PHF24: variants seen among roughly 807,000 people sequenced by gnomAD.
The protein encoded by PHF24 is PHD finger protein 24, also known as Galpha inhibitory interacting protein.
Under a neutral mutation model 42.6 loss-of-function variants are expected in PHF24, and 25 were observed. The ratio of observed to expected loss-of-function variants is 0.59; its 90% confidence interval spans 0.43 to 0.82. The LOEUF (loss-of-function observed/expected upper bound fraction) is 0.82. PHF24 is among the 40% of genes least tolerant of loss of function. PHF24 has a pLI of 0.00. For missense variants in PHF24, 470 were observed against 538.1 expected (o/e 0.87, Z 1.25); for synonymous variants, 185 against 204.8 (o/e 0.90, Z 0.83).
chr9:34,816,325 C>A, the PHF24 span, among the ~76,000 whole-genome samples: 2 of 152,124 alleles, frequency 1.3e-5, no homozygotes, highest in African/African-American at 2.4e-5. Context: ...CAAATAATTC[C>A]TTTTTTGAGG....
At chr9:34,960,201 T>C (rs191644496) in intron 1 of PHF24, among the ~76,000 whole-genome samples, 2 of 152,292 alleles carry the variant, frequency 1.3e-5, no homozygotes, top group Non-Finnish European at 2.9e-5. Flanking sequence ...AGCAATGATA[T>C]TCATTAGAGC....
the PHF24 span, among the ~76,000 whole-genome samples, chr9:34,734,115 A>C: frequency 2.0e-5 from 3 of 152,228 alleles, no homozygotes; most frequent in Non-Finnish European, 4.4e-5. Context: ...CTTTTCTTGA[A>C]TTTGTCAGCA....
At chr9:34,952,224 T>C in the PHF24 span, among the ~76,000 whole-genome samples, 1 of 152,184 alleles carries the variant, frequency 6.6e-6, no homozygotes, top group East Asian at 1.9e-4. Context: ...TTTAGCAAGG[T>C]CACAGGATAC....
chr9:34,797,032 T>C, the PHF24 span, among the ~76,000 whole-genome samples: 1 of 152,072 alleles, frequency 6.6e-6, no homozygotes, highest in Non-Finnish European at 1.5e-5. Context: ...CTTCAGTAAA[T>C]CTCAAAGGCC....
the PHF24 span, among the ~76,000 whole-genome samples, chr9:34,776,562 A>T: frequency 6.6e-6 from 1 of 152,096 alleles, no homozygotes; most frequent in African/African-American, 2.4e-5. Context: ...ATATTTATCT[A>T]TCTCTTTAGC....
the PHF24 span, among the ~76,000 whole-genome samples, chr9:34,818,557 AT>A: frequency 6.6e-6 from 1 of 152,040 alleles, no homozygotes; most frequent in African/African-American, 2.4e-5. Flanking sequence ...GTATTTTTTT[AT>A]ATATTGTTCA....
the PHF24 span, among the ~76,000 whole-genome samples, chr9:34,841,173 G>A: frequency 3.9e-5 from 6 of 152,032 alleles, no homozygotes; most frequent in South Asian, 1.0e-3. Flanking sequence ...CTAATTTTTT[G>A]TATTTTTAGT....
intron 2 of PHF24, among the ~76,000 whole-genome samples, 190 bp downstream of exon 2, chr9:34,971,866 C>A (rs774621652): frequency 7.9e-5 from 12 of 152,122 alleles, no homozygotes; most frequent in Admixed American, 1.3e-4. Flanking sequence ...AGGCTTGGGG[C>A]AATGGATGAT....
chr9:34,758,421 C>T, the PHF24 span, among the ~76,000 whole-genome samples: 1 of 152,028 alleles, frequency 6.6e-6, no homozygotes, highest in Non-Finnish European at 1.5e-5. The surrounding 1 kb of genome is among the most constrained non-coding windows in gnomAD (Gnocchi z 4.4). Flanking sequence ...AGTGGGTTTG[C>T]CCTAGGTGAA....
the PHF24 span, chr9:34,727,956 G>C: frequency 6.8e-7 from 1 of 1,469,172 alleles, no homozygotes; most frequent in Admixed American, 2.0e-5. Flanking sequence ...TCCTGCCCCA[G>C]GCCAAGCCAA....
chr9:34,710,642 A>AT, the PHF24 span, among the ~76,000 whole-genome samples: 65 of 147,074 alleles, frequency 4.4e-4, 1 homozygote, highest in African/African-American at 5.0e-4. Context: ...TGATTTTTCT[A>AT]TTTTTTTTTT....
At chr9:34,753,970 A>C in the PHF24 span, among the ~76,000 whole-genome samples, 1 of 152,132 alleles carries the variant, frequency 6.6e-6, no homozygotes, top group Non-Finnish European at 1.5e-5. Context: ...ATCTCTCACC[A>C]TATACAAAAG....
chr9:34,760,945 T>A, the PHF24 span, among the ~76,000 whole-genome samples: 4 of 151,668 alleles, frequency 2.6e-5, no homozygotes, highest in Non-Finnish European at 5.9e-5. Context: ...TGAGCCGTGA[T>A]CGCGCCACTG....
chr9:34,971,045 G>T (rs1826956367), intron 1 of PHF24, among the ~76,000 whole-genome samples: 1 of 151,976 alleles, frequency 6.6e-6, no homozygotes, highest in Non-Finnish European at 1.5e-5. Context: ...AAGCCCAGGA[G>T]TTCAAGAAGA....
chr9:34,732,147 C>G, the PHF24 span, among the ~76,000 whole-genome samples: 1 of 151,676 alleles, frequency 6.6e-6, no homozygotes, highest in Admixed American at 6.6e-5. Context: ...CAGGCGTGAG[C>G]CTATTTTTAG....
chr9:34,753,062 C>T, the PHF24 span, among the ~76,000 whole-genome samples: 1 of 151,976 alleles, frequency 6.6e-6, no homozygotes, highest in South Asian at 2.1e-4. Flanking sequence ...ACAACAAAAC[C>T]ACAGCTAGTA....
At chr9:34,954,337 T>C (rs944907827), upstream of PHF24, among the ~76,000 whole-genome samples, 3 of 152,166 alleles carry the variant, frequency 2.0e-5, no homozygotes, top group South Asian at 4.1e-4. Flanking sequence ...GTGAGTATAA[T>C]TGCACCAACT....
chr9:34,684,295 G>A, the PHF24 span, among the ~76,000 whole-genome samples: 3 of 152,304 alleles, frequency 2.0e-5, no homozygotes, highest in South Asian at 2.1e-4. Flanking sequence ...CACTTTAGAC[G>A]TGAGGGGTTT....
exon 8 of PHF24, chr9:34,982,028 A>G (rs1248586966): frequency 6.6e-6 from 1 of 152,166 alleles, no homozygotes; most frequent in Non-Finnish European, 1.5e-5. Context: ...TTCGGCTAGC[A>G]CTAAGGGAAA....
Sources: gnomAD v4.1 joint callset for allele counts (sites outside exome capture counted in the v4.1 genomes callset) on GRCh38, gnomAD v4.1.1 for gene constraint, Gnocchi (gnomAD v3.1) non-coding constraint, MANE v1.5 for transcripts, NCBI Gene and HGNC (gene_info 2026-07-23, HGNC 2026-07-21) for gene names.